TASOR2: variants seen among roughly 807,000 people sequenced by gnomAD.
The protein encoded by TASOR2 is transcription activation suppressor family member 2, also known as protein TASOR 2.
TASOR2 carries 84 observed loss-of-function variants against 199.5 expected under a neutral mutation model. That is an observed-to-expected ratio of 0.42 (90% CI 0.35 to 0.50). TASOR2 has a LOEUF of 0.50. Ranked by LOEUF, TASOR2 falls within the 20% of genes least tolerant of loss-of-function variation. The pLI is 0.02. For missense variants in TASOR2, 2,796 were observed against 2,835.9 expected, an observed-to-expected ratio of 0.99 and a Z score of 0.32; for synonymous variants, 1,103 against 1,046.6, an observed-to-expected ratio of 1.05 and a Z score of -1.04.
intron 6 of TASOR2, among the ~76,000 whole-genome samples, chr10:5,723,240 A>G (rs1203854724): frequency 1.3e-5 from 2 of 151,514 alleles, no homozygotes; most frequent in African/African-American, 4.8e-5. Flanking sequence ...TATTTTTAGT[A>G]GAGACGGGGT....
intron 14 of TASOR2, among the ~76,000 whole-genome samples, chr10:5,744,863 T>C (rs929620153): frequency 6.6e-6 from 1 of 152,054 alleles, no homozygotes; most frequent in Admixed American, 6.6e-5. Context: ...TTCTGGCCTA[T>C]AGTGATCCGC....
At chr10:5,731,187 T>A in exon 11 of TASOR2, 1 of 1,600,708 alleles carries the variant, frequency 6.2e-7, no homozygotes, top group Non-Finnish European at 8.5e-7. Context: ...GACAGTTTCC[T>A]CAGAAAAGAA....
chr10:5,694,286 C>T (rs1374522186), intron 1 of TASOR2, among the ~76,000 whole-genome samples: 1 of 152,074 alleles, frequency 6.6e-6, no homozygotes, highest in Non-Finnish European at 1.5e-5. Flanking sequence ...GTTTTGTGTT[C>T]TGAGGGCAGT....
chr10:5,751,389 T>C lies in TASOR2; in HGVS notation c.6606+1362T>C, dbSNP rs1293302161. Among the ~76,000 whole-genome samples the C allele has an allele frequency of 6.6e-6, 1 of 152,244 alleles. No homozygotes were observed. Among genetic ancestry groups the C allele is most frequent in the Non-Finnish European group, 1.5e-5 (1 of 68,040 alleles). On this transcript the variant is annotated intron_variant, in intron 15 of 20. Coordinates refer to ENST00000328090, the Ensembl canonical transcript of TASOR2. This position sits in a 1 kb window ranked among gnomAD's most constrained non-coding sequence, Gnocchi z 5.3. Reference sequence around the variant, plus strand: ...TATTAGTTGGTATTCGGCTGTAGAATAGAGCTTTCCCTTATTTTCCATTCA... The same window carrying C: ...TATTAGTTGGTATTCGGCTGTAGAACAGAGCTTTCCCTTATTTTCCATTCA...
intron 1 of TASOR2, among the ~76,000 whole-genome samples, chr10:5,700,766 T>C (rs1470039957): frequency 6.7e-6 from 1 of 148,458 alleles, no homozygotes; most frequent in East Asian, 1.9e-4. Context: ...TTGCCTGTTT[T>C]TTAATTGGAT....
chr10:5,714,417 T>C (rs1832338912), intron 2 of TASOR2: 1 of 359,938 alleles, frequency 2.8e-6, no homozygotes, highest in Non-Finnish European at 4.9e-6. Context: ...AGATTGGTAT[T>C]GTCTTGAGAA....
At chr10:5,707,790 G>T (rs1831311703) in intron 1 of TASOR2, among the ~76,000 whole-genome samples, 1 of 146,032 alleles carries the variant, frequency 6.8e-6, no homozygotes, top group African/African-American at 2.6e-5. Flanking sequence ...TCTGAACCAT[G>T]GGATAACCTG....
chr10:5,720,917 G>A lies in TASOR2; in HGVS notation c.93G>A (p.Met31Ile). ...GGAAATTAATTGTTCAAGACCGTAT[G>A]CTATGTGATATAGCTCTTTGGTCCA... Residue 31 changes from methionine (M) to isoleucine (I), a missense_variant, in exon 6 of 21, where the codon ATG (methionine) becomes ATA (isoleucine). Met to Ile is a conservative substitution (Grantham distance 10). This residue lies in a region of TASOR2 where 847 missense variants were observed against 887.4 expected (regional missense o/e 0.95). Transcript: ENST00000328090. This position sits in a 1 kb window ranked among gnomAD's most constrained non-coding sequence, Gnocchi z 5.3. The A allele has an allele frequency of 6.2e-6, 10 of 1,613,530 alleles. No homozygotes were observed. Among genetic ancestry groups the A allele is most frequent in the South Asian group, 2.2e-5 (2 of 90,976 alleles).
At chr10:5,716,929 A>T (rs1166999550) in intron 2 of TASOR2, among the ~76,000 whole-genome samples, 4 of 148,096 alleles carry the variant, frequency 2.7e-5, no homozygotes, top group Admixed American at 6.8e-5. Flanking sequence ...TATATATATA[A>T]ATATAAACAT....
rs553908867 is a variant in TASOR2, at chr10:5,707,655, T to C, written c.-287-5168T>C. ...GAGTAATTAAGATTCTCATTCTCTT[T>C]CTCTCTCTCTCTCTCTCTGTCTCCC... On this transcript the variant is annotated intron_variant, in intron 1 of 20. Coordinates refer to ENST00000328090, the Ensembl canonical transcript of TASOR2. Among the ~76,000 whole-genome samples the C allele has an allele frequency of 5.4e-3, 433 of 80,264 alleles. 2 individuals carry two copies. Among genetic ancestry groups the C allele is most frequent in the African/African-American group, 0.013 (414 of 31,532 alleles). 52.7% of individuals were successfully genotyped at this position (80,264 alleles called of 152,430 possible).
chr10:5,733,053 A>G (rs1005590850), intron 11 of TASOR2, among the ~76,000 whole-genome samples: 1 of 152,236 alleles, frequency 6.6e-6, no homozygotes, highest in African/African-American at 2.4e-5. Flanking sequence ...CTATAACTCA[A>G]CATAAATTGT....
At position 5,752,065 on chromosome 10, in the gene TASOR2, AAC is replaced by A. The variant is rs956307893; in HGVS notation, c.6606+2039_6606+2040del. 4.6e-5 allele frequency among the ~76,000 whole-genome samples: 7 copies of A among 151,990 alleles called. No homozygotes were observed. Among genetic ancestry groups the A allele is most frequent in the Non-Finnish European group, 1.0e-4 (7 of 67,988 alleles). ...TGAGGCACTAATCCTGACCTCCCGA[AAC>A]TCCCTGACCTGAGCGCGGGCCAGCT... On this transcript the variant is annotated intron_variant, in intron 15 of 20. Transcript: ENST00000328090. The surrounding 1 kb of genome is among the most constrained non-coding windows in gnomAD (Gnocchi z 4.4).
At chr10:5,704,424 A>G (rs1798975323) in intron 1 of TASOR2, among the ~76,000 whole-genome samples, 3 of 152,182 alleles carry the variant, frequency 2.0e-5, no homozygotes, top group Middle Eastern at 3.4e-3. Context: ...AATTTTTTCT[A>G]TAAAAATTGT....
In TASOR2 at chr10:5,687,726, A is replaced by G. The variant is rs1835950951; in HGVS notation, c.-288+2551A>G. Among the ~76,000 whole-genome samples, 1 of 152,206 alleles carries G rather than the reference A, an allele frequency of 6.6e-6. No homozygotes were observed. Among genetic ancestry groups the G allele is most frequent in the Admixed American group, 6.5e-5 (1 of 15,286 alleles). On this transcript the variant is annotated intron_variant, in intron 1 of 20. Transcript: ENST00000328090. This position sits in a 1 kb window ranked among gnomAD's most constrained non-coding sequence, Gnocchi z 4.8. ...TCCCAGCTACTCGGGAGGCCGAGACAAGAGAATCACTTGAACCTGGGAGAC... is the reference window on the plus strand; with the variant it reads ...TCCCAGCTACTCGGGAGGCCGAGACGAGAGAATCACTTGAACCTGGGAGAC...
At chr10:5,743,803 G>C (rs770189159) in intron 14 of TASOR2, 6 of 152,232 alleles carry the variant, frequency 3.9e-5, no homozygotes, top group Admixed American at 3.3e-4. Context: ...AAGCCTGACT[G>C]TTCAAATCAG....
At position 5,687,784 on chromosome 10, in the gene TASOR2, C is replaced by T. The variant is rs890819467; in HGVS notation, c.-288+2609C>T. Among the ~76,000 whole-genome samples, 6 of 152,348 alleles carry T rather than the reference C, an allele frequency of 3.9e-5. No homozygotes were observed. Among genetic ancestry groups the T allele is most frequent in the Middle Eastern group, 3.4e-3 (1 of 294 alleles). On this transcript the variant is annotated intron_variant, in intron 1 of 20. Coordinates refer to ENST00000328090, the Ensembl canonical transcript of TASOR2. The surrounding 1 kb of genome is among the most constrained non-coding windows in gnomAD (Gnocchi z 4.8). ...AGTGAGCCAAGGTTGTGTCACTCTA[C>T]GGCAGCCTGGGTGACAGAGTGAGAC... is the stretch of plus-strand genomic sequence containing the variant.
intron 1 of TASOR2, among the ~76,000 whole-genome samples, chr10:5,705,337 T>A (rs890260801): frequency 1.3e-5 from 2 of 152,230 alleles, no homozygotes; most frequent in African/African-American, 2.4e-5. Context: ...TTACTTTTTT[T>A]AATTGCTGAT....
intron 12 of TASOR2, 40 bp downstream of exon 13, chr10:5,735,586 C>A (rs767863242): frequency 6.3e-7 from 1 of 1,587,748 alleles, no homozygotes; most frequent in Admixed American, 1.9e-5. Flanking sequence ...CACCCCAATA[C>A]AGATCTAACA....
intron 2 of TASOR2, among the ~76,000 whole-genome samples, chr10:5,716,506 CT>C (rs1564285156): frequency 6.6e-6 from 1 of 152,142 alleles, no homozygotes; most frequent in African/African-American, 2.4e-5. Flanking sequence ...CTGCATACAG[CT>C]TTTTTTCTTC....
Sources: allele counts gnomAD v4.1 joint callset (sites outside exome capture counted in the v4.1 genomes callset), GRCh38; gene constraint gnomAD v4.1.1; regional missense constraint gnomAD v4.1.1; non-coding constraint Gnocchi (gnomAD v3.1); transcripts MANE v1.5; gene names NCBI Gene and HGNC (gene_info 2026-07-23, HGNC 2026-07-21).